The following PEX14 variants were observed in gnomAD, a reference collection of about 807,000 sequenced individuals.
The protein encoded by PEX14 is peroxisomal membrane protein PEX14.
PEX14 carries 15 observed loss-of-function variants against 49.5 expected under a neutral mutation model. The ratio of observed to expected loss-of-function variants is 0.30; its 90% CI spans 0.20 to 0.47. The LOEUF (loss-of-function observed/expected upper bound fraction) is 0.47. Among genes scored for constraint, PEX14 ranks in the 20% least tolerant of loss-of-function variants. PEX14 has a pLI of 1.00. For synonymous variants in PEX14, 210 were observed against 212.7 expected (o/e 0.99, Z 0.11); for missense variants, 398 against 494.8 (o/e 0.80, Z 1.86).
chr1:10,584,471 C>T (rs1157009126), intron 3 of PEX14, among the ~76,000 whole-genome samples: 1 of 152,094 alleles, frequency 6.6e-6, no homozygotes, highest in African/African-American at 2.4e-5. Flanking sequence ...GACTCCCACC[C>T]CAAATTAAGA....
At chr1:10,574,275 A>G (rs1343463483) in intron 3 of PEX14, among the ~76,000 whole-genome samples, 1 of 152,252 alleles carries the variant, frequency 6.6e-6, no homozygotes, top group Non-Finnish European at 1.5e-5. Context: ...AAGAAGCCAG[A>G]TATAAAAGAA....
intron 3 of PEX14, among the ~76,000 whole-genome samples, chr1:10,548,319 CAAG>C (rs1639233920): frequency 6.6e-6 from 1 of 152,172 alleles, no homozygotes; most frequent in Non-Finnish European, 1.5e-5. Flanking sequence ...TAAGGGTAGA[CAAG>C]AGAGTTTCCA....
At chr1:10,579,308 A>G (rs1640242649) in intron 3 of PEX14, among the ~76,000 whole-genome samples, 1 of 152,150 alleles carries the variant, frequency 6.6e-6, no homozygotes, top group African/African-American at 2.4e-5. Context: ...ACCACTAAAC[A>G]TGAAGGAAAA....
chr1:10,596,671 C>T (rs189809477), intron 3 of PEX14, among the ~76,000 whole-genome samples: 2 of 152,312 alleles, frequency 1.3e-5, no homozygotes. Context: ...TTCTACCCTC[C>T]TTGGGCCTCA....
At chr1:10,506,486 A>G (rs556845946) in intron 2 of PEX14, among the ~76,000 whole-genome samples, 29 of 152,292 alleles carry the variant, frequency 1.9e-4, no homozygotes, top group African/African-American at 7.0e-4. Flanking sequence ...TATGTTGGTC[A>G]GGCTGGTCTT....
At chr1:10,500,322 C>T (rs935323533) in intron 2 of PEX14, among the ~76,000 whole-genome samples, 7 of 129,578 alleles carry the variant, frequency 5.4e-5, no homozygotes, top group Non-Finnish European at 9.3e-5. Flanking sequence ...TGCAGTGAAC[C>T]GAGATCGCGC....
chr1:10,501,639 G>A (rs1183369651), intron 2 of PEX14, among the ~76,000 whole-genome samples: 2 of 152,142 alleles, frequency 1.3e-5, no homozygotes, highest in African/African-American at 4.8e-5. Context: ...CATTGGCTGA[G>A]CGTGGTGGCT....
In PEX14 at chr1:10,480,869, ATTTT is replaced by A. The variant is rs1316827044; in HGVS notation, c.36+5875_36+5878del. Among the ~76,000 whole-genome samples the A allele has an allele frequency of 2.5e-3, 347 of 139,082 alleles. 1 individual carries two copies. Among genetic ancestry groups the A allele is most frequent in the African/African-American group, 9.6e-3 (329 of 34,442 alleles). The allele number at this position is 139,082 out of a possible 152,430, so 91.2% of individuals were successfully genotyped here. ...TCTCTCTCTCTCTCTCTATATATAT[ATTTT>A]TTTTTTTGGAAGGATTTGTGGTAAG... is the stretch of plus-strand genomic sequence containing the variant. On this transcript the variant is annotated intron_variant, in intron 1 of 8. Coordinates refer to ENST00000356607, the MANE Select transcript of PEX14 (RefSeq NM_004565.3).
At chr1:10,562,605 TTG>T (rs2124532081) in intron 3 of PEX14, among the ~76,000 whole-genome samples, 1 of 152,342 alleles carries the variant, frequency 6.6e-6, no homozygotes, top group South Asian at 2.1e-4. Context: ...AGGAGTGGTA[TTG>T]TGTCTTTCCG....
chr1:10,485,010 A>C (rs1395317857), intron 1 of PEX14, among the ~76,000 whole-genome samples: 1 of 151,724 alleles, frequency 6.6e-6, no homozygotes, highest in African/African-American at 2.4e-5. Context: ...TCCTGGCCAC[A>C]TTTGAGTAGA....
At chr1:10,523,020 CCCT>C (rs758145930) in intron 2 of PEX14, among the ~76,000 whole-genome samples, 1 of 151,992 alleles carries the variant, frequency 6.6e-6, no homozygotes, top group Non-Finnish European at 1.5e-5. Context: ...GTATATTTGC[CCCT>C]ACTTGAAATG....
chr1:10,527,075 G>T lies in PEX14; in HGVS notation c.85-9138G>T, dbSNP rs1021908811. The stretch of plus-strand genomic sequence containing the variant: ...CTAAAAATAGAAAAATTAGCCAAGC[G>T]TGGTGGCATGTGCCTGTAGTCCCAG... On this transcript the variant is annotated intron_variant, in intron 2 of 8. Coordinates refer to ENST00000356607, the MANE Select transcript of PEX14 (RefSeq NM_004565.3). 2.0e-5 allele frequency among the ~76,000 whole-genome samples: 3 copies of T among 152,032 alleles called. No individual in the cohort carries two copies. The East Asian group carries it at 5.8e-4, about 29-fold the overall frequency.
rs748964510 is a variant in PEX14, at chr1:10,629,739, C to G, written c.886C>G (p.Gln296Glu). ...GGTCACCTACCACTTGCTGGGCCCCCAGGAGGAAGGCGAGGGGGTGGTGGA... is the reference window on the plus strand; with the variant it reads ...GGTCACCTACCACTTGCTGGGCCCCGAGGAGGAAGGCGAGGGGGTGGTGGA... ...STVTYHLLGP[Q>E]EEGEGVVDVK... The change falls in exon 9 of 9, where the codon CAG (glutamine) becomes GAG (glutamate). Residue 296 changes from glutamine to glutamate, a missense_variant. Gln to Glu is a conservative substitution (Grantham distance 29). Coordinates refer to ENST00000356607, the MANE Select transcript of PEX14 (RefSeq NM_004565.3). This position sits in a 1 kb window ranked among gnomAD's most constrained non-coding sequence, Gnocchi z 8.5. 5.0e-6 allele frequency: 8 copies of G among 1,595,576 alleles called. No individual in the cohort carries two copies. The highest frequency in any genetic ancestry group is 6.8e-6 in the Non-Finnish European group (8 of 1,170,958).
intron 3 of PEX14, among the ~76,000 whole-genome samples, chr1:10,568,456 A>G: frequency 6.6e-6 from 1 of 152,164 alleles, no homozygotes; most frequent in South Asian, 2.1e-4. Context: ...TACAGAAATA[A>G]TCATATAATT....
At chr1:10,555,470 A>G (rs772326795) in intron 3 of PEX14, among the ~76,000 whole-genome samples, 18 of 152,206 alleles carry the variant, frequency 1.2e-4, no homozygotes, top group Admixed American at 7.9e-4. Context: ...ACCCAAAAAA[A>G]GCACCTCTCA....
At chr1:10,552,941 C>T (rs751958268) in intron 3 of PEX14, among the ~76,000 whole-genome samples, 13 of 152,094 alleles carry the variant, frequency 8.5e-5, no homozygotes, top group Non-Finnish European at 2.9e-5. Flanking sequence ...TGGGGCATAG[C>T]CACTAAGGCG....
At chr1:10,489,043 C>T (rs141876927) in intron 1 of PEX14, among the ~76,000 whole-genome samples, 1,803 of 151,962 alleles carry the variant, frequency 0.012, 31 homozygotes, top group African/African-American at 0.038. Flanking sequence ...TGCAATGGCG[C>T]GATCTCGGCT....
In PEX14 at chr1:10,630,047, A is replaced by G. The variant is rs1641878396; in HGVS notation, c.*60A>G. On this transcript the variant is annotated 3_prime_UTR_variant, in exon 9 of 9. Coordinates refer to ENST00000356607, the MANE Select transcript of PEX14 (RefSeq NM_004565.3). This position sits in a 1 kb window ranked among gnomAD's most constrained non-coding sequence, Gnocchi z 4.1. ...ATCTAGTGTGCCCGTGCGTGGCCAT[A>G]CCCTGCCTCCCTCTCTGGCCCTGGG... The G allele has an allele frequency of 1.3e-6, 2 of 1,592,832 alleles. No homozygotes were observed. Among genetic ancestry groups the G allele is most frequent in the Non-Finnish European group, 1.7e-6 (2 of 1,175,744 alleles).
At chr1:10,485,509 G>A (rs773200552) in intron 1 of PEX14, among the ~76,000 whole-genome samples, 3 of 150,820 alleles carry the variant, frequency 2.0e-5, no homozygotes, top group Non-Finnish European at 4.4e-5. Context: ...TGTAGCGAGG[G>A]GGTCTTGCTG....
Sources: gnomAD v4.1 joint callset for allele counts (sites outside exome capture counted in the v4.1 genomes callset) on GRCh38, gnomAD v4.1.1 for gene constraint, Gnocchi (gnomAD v3.1) non-coding constraint, MANE v1.5 for transcripts, NCBI Gene and HGNC (gene_info 2026-07-23, HGNC 2026-07-21) for gene names.